Variants in RARB observed in about 807,000 individuals in gnomAD.
RARB encodes retinoic acid receptor beta, also known as HBV-activated protein.
In RARB, 17 loss-of-function variants were observed where a neutral mutation model predicts 51.9. That is an observed-to-expected ratio of 0.33 (90% CI 0.22 to 0.49). The LOEUF (loss-of-function observed/expected upper bound fraction) is 0.49. RARB is among the 20% of genes least tolerant of loss of function. The probability of loss-of-function intolerance (pLI) is 0.99; values close to 1 mark genes in which losing one functional copy is unlikely to be tolerated. For synonymous variants in RARB, 215 were observed against 195.4 expected, an observed-to-expected ratio of 1.10 and a Z score of -0.84; for missense variants, 369 against 550.8, an observed-to-expected ratio of 0.67 and a Z score of 3.30.
At chr3:25,341,007 C>A (rs764354823) in intron 5 of RARB, among the ~76,000 whole-genome samples, 6 of 152,130 alleles carry the variant, frequency 3.9e-5, no homozygotes, top group Non-Finnish European at 8.8e-5. Context: ...GAATTGTGAG[C>A]TAAATAGGCG....
chr3:24,857,353 G>A (rs1702655220), intron 1 of RARB, among the ~76,000 whole-genome samples: 1 of 152,066 alleles, frequency 6.6e-6, no homozygotes, highest in Non-Finnish European at 1.5e-5. Flanking sequence ...TTCCTCCACT[G>A]CTCGTTCACC....
intron 2 of RARB, among the ~76,000 whole-genome samples, chr3:25,012,736 A>C (rs1697425274): frequency 6.6e-6 from 1 of 152,144 alleles, no homozygotes; most frequent in Non-Finnish European, 1.5e-5. Flanking sequence ...TGGGAAAAGT[A>C]ATCTATGCAA....
At chr3:25,247,575 G>T (rs1702595575) in intron 5 of RARB, among the ~76,000 whole-genome samples, 1 of 152,136 alleles carries the variant, frequency 6.6e-6, no homozygotes, top group Admixed American at 6.6e-5. Context: ...CGAGGGGAGG[G>T]AGTTCCCTCA....
chr3:24,900,874 ATAAT>A (rs1703590176), intron 2 of RARB, among the ~76,000 whole-genome samples: 1 of 152,210 alleles, frequency 6.6e-6, no homozygotes, highest in Admixed American at 6.5e-5. Context: ...GAGAGAATAA[ATAAT>A]ATAACTCTTA....
At chr3:24,876,771 A>G (rs1012661216) in intron 2 of RARB, among the ~76,000 whole-genome samples, 2 of 152,302 alleles carry the variant, frequency 1.3e-5, no homozygotes, top group African/African-American at 4.8e-5. Flanking sequence ...ATGCCAAAAT[A>G]CAAAATTTTC....
chr3:24,861,773 C>T (rs1702753279), intron 2 of RARB, among the ~76,000 whole-genome samples: 2 of 152,148 alleles, frequency 1.3e-5, no homozygotes, highest in African/African-American at 4.8e-5. Flanking sequence ...CTCTGGAAAA[C>T]TGCACTGTAA....
At chr3:24,835,698 C>T (rs1471640846) in intron 1 of RARB, among the ~76,000 whole-genome samples, 1 of 152,156 alleles carries the variant, frequency 6.6e-6, no homozygotes, top group East Asian at 1.9e-4. Context: ...TAGGGCACCT[C>T]CCCAGTAACA....
At chr3:25,342,760 G>T (rs1257044857) in intron 5 of RARB, among the ~76,000 whole-genome samples, 2 of 152,018 alleles carry the variant, frequency 1.3e-5, no homozygotes. Context: ...TTTTTTTCAT[G>T]GTCTTTTTAA....
chr3:25,402,006 C>G (rs534285521), intron 5 of RARB, among the ~76,000 whole-genome samples: 19 of 152,184 alleles, frequency 1.2e-4, no homozygotes, highest in African/African-American at 4.6e-4. Context: ...AAACTCCTGA[C>G]CTCAAGTGAT....
At chr3:25,001,875 T>G (rs549825605) in intron 2 of RARB, among the ~76,000 whole-genome samples, 1 of 152,074 alleles carries the variant, frequency 6.6e-6, no homozygotes, top group South Asian at 2.1e-4. Flanking sequence ...CCCTCCAAGC[T>G]CAAGCAATTC....
chr3:25,571,490 C>T (rs1294660), intron 4 of RARB, among the ~76,000 whole-genome samples: 12,894 of 152,248 alleles, frequency 0.085, 678 homozygotes, highest in Non-Finnish European at 0.11. Context: ...TCTGCCAGGC[C>T]GAGGGAGAGT....
rs189341277 is a variant in RARB, at chr3:25,235,974, T to C, written c.178+61399T>C. Among the ~76,000 whole-genome samples the C allele has an allele frequency of 3.9e-4, 60 of 152,324 alleles. No individual in the cohort carries two copies. The East Asian group carries it at 9.3e-3, about 23-fold the overall frequency. On this transcript the variant is annotated intron_variant, in intron 5 of 11. Coordinates refer to the RARB transcript ENST00000383772. ...ATTGTAAAAATCAAACATCTCTAGA[T>C]ACTTTATAAGATTTTAAACCTCAAG... is the stretch of plus-strand genomic sequence containing the variant.
At chr3:25,404,035 T>G (rs945646691) in intron 5 of RARB, among the ~76,000 whole-genome samples, 2 of 152,054 alleles carry the variant, frequency 1.3e-5, no homozygotes, top group African/African-American at 2.4e-5. Context: ...AGGTTGCTGA[T>G]AAGGGAAGAA....
chr3:25,202,200 A>C (rs1031202319), intron 5 of RARB, among the ~76,000 whole-genome samples: 9 of 152,206 alleles, frequency 5.9e-5, no homozygotes, highest in East Asian at 5.8e-4. Context: ...CATTTCTTCT[A>C]GATTTTCTAG....
chr3:25,397,826 A>C (rs1013376742), intron 5 of RARB, among the ~76,000 whole-genome samples: 1 of 151,978 alleles, frequency 6.6e-6, no homozygotes, highest in African/African-American at 2.4e-5. Flanking sequence ...AGGCCACTTC[A>C]CAGTCCTTTT....
exon 5 of RARB, chr3:25,174,371 C>G: frequency 7.4e-7 from 1 of 1,350,070 alleles, no homozygotes; most frequent in East Asian, 4.6e-5. Flanking sequence ...TGCTCCAGAG[C>G]ACCTTTCTTT....
At chr3:25,583,702 G>A (rs1449893793) in intron 5 of RARB, among the ~76,000 whole-genome samples, 7 of 152,178 alleles carry the variant, frequency 4.6e-5, no homozygotes, top group African/African-American at 1.2e-4. Context: ...GCCTTTGCTC[G>A]GTGGGGACCA....
intron 3 of RARB, among the ~76,000 whole-genome samples, chr3:25,515,489 T>C (rs187866133): frequency 1.1e-4 from 17 of 152,316 alleles, no homozygotes; most frequent in African/African-American, 4.1e-4. Flanking sequence ...AGCAGATTTA[T>C]TGATAATAGT....
At chr3:25,494,002 C>T (rs1301537700) in intron 2 of RARB, among the ~76,000 whole-genome samples, 1 of 152,182 alleles carries the variant, frequency 6.6e-6, no homozygotes, top group Non-Finnish European at 1.5e-5. Flanking sequence ...GGGCTACATT[C>T]CTGCCTAGAC....
Sources: allele counts gnomAD v4.1 joint callset (sites outside exome capture counted in the v4.1 genomes callset), GRCh38; gene constraint gnomAD v4.1.1; transcripts MANE v1.5; gene names NCBI Gene and HGNC (gene_info 2026-07-23, HGNC 2026-07-21).